PLEKHB2: variants seen among roughly 807,000 people sequenced by gnomAD.
PLEKHB2 encodes the protein pleckstrin homology domain containing B2, also known as pleckstrin homology domain-containing family B member 2.
Under a neutral mutation model 36.5 loss-of-function variants are expected in PLEKHB2, and 31 were observed. The ratio of observed to expected loss-of-function variants is 0.85; its 90% CI spans 0.64 to 1.15. The LOEUF is 1.15. Ranked by LOEUF, PLEKHB2 falls within the 50% of genes most tolerant of loss-of-function variation. The pLI is 0.00. For synonymous variants in PLEKHB2, 119 were observed against 112.0 expected, an observed-to-expected ratio of 1.06 and a Z score of -0.39; for missense variants, 262 against 295.3, an observed-to-expected ratio of 0.89 and a Z score of 0.83.
At chr2:131,122,041 G>A (rs1049553093) in intron 2 of PLEKHB2, among the ~76,000 whole-genome samples, 3 of 152,104 alleles carry the variant, frequency 2.0e-5, no homozygotes, top group Non-Finnish European at 2.9e-5. Flanking sequence ...TGGGATTACA[G>A]GCGCACGCCA....
chr2:131,118,289 G>A (rs1696091118), intron 1 of PLEKHB2, among the ~76,000 whole-genome samples: 1 of 152,088 alleles, frequency 6.6e-6, no homozygotes, highest in Non-Finnish European at 1.5e-5. Context: ...AAAGATTGGG[G>A]AAAAATGAAA....
chr2:131,109,195 A>G (rs1313593243), intron 1 of PLEKHB2, among the ~76,000 whole-genome samples: 1 of 152,124 alleles, frequency 6.6e-6, no homozygotes, highest in African/African-American at 2.4e-5. Context: ...TGTGATCAAA[A>G]TCATACTTCA....
intron 1 of PLEKHB2, among the ~76,000 whole-genome samples, chr2:131,106,377 G>T (rs1694735164): frequency 1.3e-5 from 2 of 152,146 alleles, no homozygotes; most frequent in Admixed American, 1.3e-4. Flanking sequence ...GTGGCCTTTG[G>T]TATGAACCAG....
intron 2 of PLEKHB2, among the ~76,000 whole-genome samples, chr2:131,122,446 T>C (rs1487926764): frequency 6.6e-6 from 1 of 152,240 alleles, no homozygotes; most frequent in Non-Finnish European, 1.5e-5. Flanking sequence ...CAGTAAGAAT[T>C]GATGGCATAC....
chr2:131,145,437 T>A (rs866250532), intron 7 of PLEKHB2, among the ~76,000 whole-genome samples: 42 of 152,064 alleles, frequency 2.8e-4, no homozygotes, highest in African/African-American at 1.0e-3. Flanking sequence ...GCCTCCCAGG[T>A]TCAAGCAATT....
intron 2 of PLEKHB2, among the ~76,000 whole-genome samples, chr2:131,123,243 A>G (rs556108326): frequency 6.6e-6 from 1 of 152,378 alleles, no homozygotes; most frequent in East Asian, 1.9e-4. Context: ...TCCTGAAAGT[A>G]GAAGTATCAA....
chr2:131,109,173 A>G (rs1695029533), intron 1 of PLEKHB2, among the ~76,000 whole-genome samples: 1 of 152,188 alleles, frequency 6.6e-6, no homozygotes, highest in Admixed American at 6.5e-5. Flanking sequence ...TCTCTACAAA[A>G]ACAAAACAAA....
chr2:131,122,932 G>T (rs1379135542), intron 2 of PLEKHB2, among the ~76,000 whole-genome samples: 2 of 152,158 alleles, frequency 1.3e-5, no homozygotes, highest in Admixed American at 6.5e-5. Flanking sequence ...AGACCTTGAG[G>T]GTGTGCCCTC....
chr2:131,125,733 G>A lies in PLEKHB2; in HGVS notation c.38-20G>A, dbSNP rs578027270. 42 of 1,571,744 alleles carry A rather than the reference G, an allele frequency of 2.7e-5. 1 individual carries two copies. The South Asian group carries it at 3.4e-4, about 13-fold the overall frequency. ...TGTCTCTAAAAAAAAAAAAACAACC[G>A]TACTATTTTTTTTTTCCAGGTACTA... On this transcript the variant is annotated intron_variant, in intron 2 of 7. Coordinates refer to ENST00000693505, the MANE Select transcript of PLEKHB2 (RefSeq NM_001100623.2).
At chr2:131,139,553 G>T (rs1033673076) in intron 6 of PLEKHB2, among the ~76,000 whole-genome samples, 4 of 152,190 alleles carry the variant, frequency 2.6e-5, no homozygotes, top group African/African-American at 9.7e-5. Flanking sequence ...TGCAAGGAAG[G>T]CCAGTCTTTG....
chr2:131,129,151 C>CAAGCT (rs1204009745), intron 4 of PLEKHB2, among the ~76,000 whole-genome samples: 91 of 151,830 alleles, frequency 6.0e-4, no homozygotes, highest in East Asian at 1.4e-3. Flanking sequence ...ATGGTGAAAC[C>CAAGCT]TCGTCTCTAC....
At chr2:131,133,733 T>G (rs1697951782) in intron 6 of PLEKHB2, among the ~76,000 whole-genome samples, 1 of 152,212 alleles carries the variant, frequency 6.6e-6, no homozygotes, top group South Asian at 2.1e-4. Flanking sequence ...CTAAACCCTG[T>G]CAATCACTGA....
intron 7 of PLEKHB2, among the ~76,000 whole-genome samples, chr2:131,143,528 C>G (rs941062754): frequency 1.8e-4 from 28 of 152,172 alleles, no homozygotes; most frequent in African/African-American, 6.5e-4. Flanking sequence ...ATCTGGATAG[C>G]ATTTTGCCAA....
Position 131,132,883 on chromosome 2 carries a change from C to A in PLEKHB2, c.334-19C>A. The A allele has an allele frequency of 4.1e-6, 6 of 1,473,484 alleles. No individual in the cohort carries two copies. Among genetic ancestry groups the A allele is most frequent in the Non-Finnish European group, 5.7e-6 (6 of 1,051,882 alleles). The allele number at this position is 1,473,484 out of a possible 1,614,324, so 91.3% of individuals were successfully genotyped here. ...TGCTGGGAAGCTGTCCTGTCCTCAC[C>A]CTCTCCTGTCTCCCGCAGGCGTATG... On this transcript the variant is annotated intron_variant, in intron 5 of 7. Transcript: ENST00000693505.
At chr2:131,142,892 C>T (rs1042406731) in intron 7 of PLEKHB2, among the ~76,000 whole-genome samples, 6 of 152,052 alleles carry the variant, frequency 3.9e-5, no homozygotes, top group Non-Finnish European at 5.9e-5. Context: ...CCCAACTAGA[C>T]TCTATCTCTA....
At chr2:131,106,038 A>G (rs1460273479) in intron 1 of PLEKHB2, among the ~76,000 whole-genome samples, 4 of 152,142 alleles carry the variant, frequency 2.6e-5, no homozygotes, top group Non-Finnish European at 2.9e-5. Context: ...GTCTTTAGTC[A>G]TAAGTGCTTG....
At chr2:131,120,860 G>A in intron 1 of PLEKHB2, 74 bp from the exon 2 acceptor site, 1 of 1,451,384 alleles carries the variant, frequency 6.9e-7, no homozygotes, top group Non-Finnish European at 9.7e-7. Context: ...AAGGGGATAA[G>A]GATAGAGACT....
rs925116032 is a variant in PLEKHB2 at position 131,148,322 on chromosome 2, C to T, written c.*1549C>T. ...CCATTCCAGCCTTTCTTCAAATGCT[C>T]TTATTTTCAGTATATGAAGTGTGTA... On this transcript the variant is annotated 3_prime_UTR_variant, in exon 8 of 8. Coordinates refer to ENST00000693505, the MANE Select transcript of PLEKHB2 (RefSeq NM_001100623.2). 1.3e-5 allele frequency: 2 copies of T among 152,184 alleles called. No homozygotes were observed. Among genetic ancestry groups the T allele is most frequent in the Admixed American group, 1.3e-4 (2 of 15,280 alleles). 9.4% of individuals were successfully genotyped at this position (152,184 alleles called of 1,614,324 possible).
intron 1 of PLEKHB2, among the ~76,000 whole-genome samples, chr2:131,111,654 CTAA>C (rs1429244248): frequency 2.0e-5 from 3 of 151,730 alleles, no homozygotes; most frequent in Non-Finnish European, 4.4e-5. Context: ...CCACGCCCAA[CTAA>C]TTTTTGTATT....
Sources: allele counts gnomAD v4.1 joint callset (sites outside exome capture counted in the v4.1 genomes callset), GRCh38; gene constraint gnomAD v4.1.1; transcripts MANE v1.5; gene names NCBI Gene and HGNC (gene_info 2026-07-23, HGNC 2026-07-21).